Variants in SGPL1 observed in about 807,000 individuals in gnomAD.
SGPL1 encodes the protein sphingosine-1-phosphate lyase 1, also known as SP-lyase 1.
In SGPL1, 37 loss-of-function variants were observed where a neutral mutation model predicts 68.9. That is an observed-to-expected ratio of 0.54 (90% CI 0.41 to 0.71). The LOEUF (loss-of-function observed/expected upper bound fraction) is 0.71. Ranked by LOEUF, SGPL1 falls within the 30% of genes least tolerant of loss-of-function variation. SGPL1 has a pLI of 0.00. For missense variants in SGPL1, 551 were observed against 704.6 expected (o/e 0.78, Z 2.47); for synonymous variants, 236 against 248.5 (o/e 0.95, Z 0.47).
At chr10:70,866,125 G>A (rs578230413) in intron 7 of SGPL1, 12 of 152,180 alleles carry the variant, frequency 7.9e-5, no homozygotes, top group African/African-American at 7.2e-5. Context: ...AGTGACTCAC[G>A]CCTGTAGTCC....
chr10:70,857,581 C>A (rs1178983479), intron 5 of SGPL1, 33 bp from the exon 6 acceptor site: 13 of 1,558,678 alleles, frequency 8.3e-6, no homozygotes, highest in African/African-American at 2.7e-5. Context: ...GAGATTCTTG[C>A]TTACTGACCA....
At chr10:70,860,050 C>T (rs1254332908) in intron 7 of SGPL1, among the ~76,000 whole-genome samples, 3 of 152,142 alleles carry the variant, frequency 2.0e-5, no homozygotes, top group Non-Finnish European at 4.4e-5. Flanking sequence ...GTAAACTGAA[C>T]CTCATTTAGT....
rs374799913 is a variant in SGPL1 at position 70,842,754 on chromosome 10, A to G, written c.28-1719A>G. Among the ~76,000 whole-genome samples, 161 of 152,290 alleles carry G rather than the reference A, an allele frequency of 1.1e-3. 1 individual carries two copies. Among genetic ancestry groups the G allele is most frequent in the African/African-American group, 3.5e-3 (146 of 41,570 alleles). On this transcript the variant is annotated intron_variant, in intron 2 of 14. Transcript: ENST00000373202. Reference sequence around the variant, plus strand: ...CCAATGTCGGGAATCACATTTCAACATGAGATTTGGAGGATAGGCATCCAA... The same window carrying G: ...CCAATGTCGGGAATCACATTTCAACGTGAGATTTGGAGGATAGGCATCCAA...
intron 2 of SGPL1, among the ~76,000 whole-genome samples, chr10:70,838,755 A>G (rs1000640385): frequency 1.1e-4 from 16 of 152,218 alleles, no homozygotes; most frequent in Admixed American, 7.2e-4. Context: ...TTAAAGAAGG[A>G]AGAAATAGAA....
At chr10:70,851,541 A>G (rs1435803760) in intron 4 of SGPL1, among the ~76,000 whole-genome samples, 1 of 151,982 alleles carries the variant, frequency 6.6e-6, no homozygotes. Flanking sequence ...CCCTTTCTCC[A>G]ATGTAACTGG....
chr10:70,865,439 A>G (rs1329481686), intron 7 of SGPL1, among the ~76,000 whole-genome samples: 1 of 152,232 alleles, frequency 6.6e-6, no homozygotes, highest in East Asian at 1.9e-4. Flanking sequence ...AGGGATCAGA[A>G]GAAGGATAGA....
chr10:70,859,713 C>T (rs1483621430), intron 7 of SGPL1: 1 of 162,656 alleles, frequency 6.1e-6, no homozygotes, highest in African/African-American at 2.4e-5. Context: ...TTAAATGTTA[C>T]TTGTAATTTT....
At chr10:70,875,712 A>G (rs1422613974) in intron 13 of SGPL1, among the ~76,000 whole-genome samples, 164 bp downstream of exon 13, 6 of 152,238 alleles carry the variant, frequency 3.9e-5, no homozygotes, top group Admixed American at 2.0e-4. Context: ...ATTATTAGAT[A>G]CAAAGAACAA....
intron 6 of SGPL1, 49 bp from the exon 7 acceptor site, chr10:70,859,322 T>C: frequency 7.6e-7 from 1 of 1,311,482 alleles, no homozygotes; most frequent in Non-Finnish European, 9.9e-7. Context: ...TTCTTTGTCC[T>C]GTATAGTGTA....
intron 8 of SGPL1, among the ~76,000 whole-genome samples, chr10:70,869,011 A>G (rs950618783): frequency 6.6e-6 from 1 of 152,122 alleles, no homozygotes; most frequent in African/African-American, 2.4e-5. Context: ...ACATCTTAAT[A>G]TTTTTACTGC....
chr10:70,862,900 C>T (rs879495815), intron 7 of SGPL1, among the ~76,000 whole-genome samples: 10 of 152,212 alleles, frequency 6.6e-5, no homozygotes, highest in Admixed American at 5.2e-4. Flanking sequence ...CCACCAATTC[C>T]GGACACAGTA....
chr10:70,831,733 G>A (rs1265061787), intron 2 of SGPL1, among the ~76,000 whole-genome samples: 4 of 152,080 alleles, frequency 2.6e-5, no homozygotes, highest in African/African-American at 9.7e-5. Context: ...AGTTACATAG[G>A]CATGATTGAC....
Position 70,871,528 on chromosome 10 carries a change from T to A in SGPL1, c.910-309T>A, listed in dbSNP as rs944965311. Among the ~76,000 whole-genome samples, 41 of 152,188 alleles carry A rather than the reference T, an allele frequency of 2.7e-4. 1 individual carries two copies. Among genetic ancestry groups the A allele is most frequent in the Admixed American group, 4.6e-4 (7 of 15,286 alleles). On this transcript the variant is annotated intron_variant, in intron 10 of 14. Coordinates refer to ENST00000373202, the MANE Select transcript of SGPL1 (RefSeq NM_003901.4). ...TCCTGCAGTGACTGAGGCAGGACCT[T>A]TCCCTTGTGCGAGAGGCAGCCTAAA... is the stretch of plus-strand genomic sequence containing the variant.
At chr10:70,857,021 A>G (rs1845976272) in intron 5 of SGPL1, among the ~76,000 whole-genome samples, 1 of 152,194 alleles carries the variant, frequency 6.6e-6, no homozygotes, top group Admixed American at 6.5e-5. Context: ...TGCTGCTGGA[A>G]GCAGGTAACT....
intron 3 of SGPL1, among the ~76,000 whole-genome samples, chr10:70,845,124 A>G (rs950211355): frequency 1.3e-5 from 2 of 152,118 alleles, no homozygotes; most frequent in African/African-American, 2.4e-5. Flanking sequence ...GGACTCTTGT[A>G]TAACTAATAC....
Position 70,853,291 on chromosome 10 carries a change from TAAG to T in SGPL1, c.262-1412_262-1410del, listed in dbSNP as rs375280271. ...CTGTGGTTTCACTGAGGGCCATATCTAAGAAGATCTTCTTGTATTCTAATTATC... is the reference window on the plus strand; with the variant it reads ...CTGTGGTTTCACTGAGGGCCATATCTAAGATCTTCTTGTATTCTAATTATC... On this transcript the variant is annotated intron_variant, in intron 4 of 14. Transcript: ENST00000373202. 6.3e-3 allele frequency among the ~76,000 whole-genome samples: 954 copies of T among 152,348 alleles called. 9 individuals are homozygous for T. Among genetic ancestry groups the T allele is most frequent in the Non-Finnish European group, 7.8e-3 (533 of 68,034 alleles).
intron 8 of SGPL1, 98 bp from the exon 9 acceptor site, chr10:70,869,694 T>A (rs914751135): frequency 3.4e-6 from 3 of 892,430 alleles, no homozygotes; most frequent in Non-Finnish European, 5.1e-6. Flanking sequence ...TGGGGAAAAA[T>A]AATCAGAACT....
At chr10:70,826,235 A>G (rs1488527967) in intron 2 of SGPL1, among the ~76,000 whole-genome samples, 2 of 152,160 alleles carry the variant, frequency 1.3e-5, no homozygotes, top group Non-Finnish European at 2.9e-5. Context: ...ACAATACAAT[A>G]CAATACAGTA....
intron 2 of SGPL1, among the ~76,000 whole-genome samples, chr10:70,842,407 A>G (rs1270948443): frequency 6.6e-6 from 1 of 152,226 alleles, no homozygotes; most frequent in African/African-American, 2.4e-5. Context: ...GGACTGGATT[A>G]GCCCGTTCTT....
Sources: allele counts gnomAD v4.1 joint callset (sites outside exome capture counted in the v4.1 genomes callset), GRCh38; gene constraint gnomAD v4.1.1; transcripts MANE v1.5; gene names NCBI Gene and HGNC (gene_info 2026-07-23, HGNC 2026-07-21).